Variants in DMD observed in about 807,000 individuals in gnomAD.
The protein encoded by DMD is dystrophin.
In DMD, 63 loss-of-function variants were observed where a neutral mutation model predicts 330.1. That is an observed-to-expected ratio of 0.19 (90% CI 0.16 to 0.24). The LOEUF is 0.24. Ranked by LOEUF, DMD falls within the 10% of genes least tolerant of loss-of-function variation. The pLI is 1.00. For missense variants in DMD, 3,344 were observed against 2,684.1 expected (o/e 1.25, Z -5.43); for synonymous variants, 1,223 against 959.8 (o/e 1.27, Z -5.07).
chrX:33,067,770 G>A (rs1218019874), intron 1 of DMD, among the ~76,000 whole-genome samples: 7 of 110,365 alleles, frequency 6.3e-5, no homozygotes, highest in African/African-American at 2.0e-4. Context: ...GCTTGAACCC[G>A]AGAGGTGGAG....
At chrX:31,245,993 A>C (rs1025043451) in intron 63 of DMD, among the ~76,000 whole-genome samples, 1 of 112,470 alleles carries the variant, frequency 8.9e-6, no homozygotes, top group African/African-American at 3.2e-5. Flanking sequence ...AAGCATGTTG[A>C]AAGATGAGAC....
chrX:33,310,590 A>C (rs1309799121), intron 1 of DMD, among the ~76,000 whole-genome samples: 1 of 111,441 alleles, frequency 9.0e-6, no homozygotes, highest in Admixed American at 9.6e-5. Context: ...CACCTAAATT[A>C]TTCATTTTAA....
chrX:32,984,439 GA>G (rs2092791203), intron 2 of DMD, among the ~76,000 whole-genome samples: 2 of 111,369 alleles, frequency 1.8e-5, no homozygotes, highest in African/African-American at 3.3e-5. Context: ...ATTTTTAGTA[GA>G]GACAGGGTTT....
intron 11 of DMD, among the ~76,000 whole-genome samples, chrX:32,642,323 T>C (rs2059520408): frequency 8.9e-6 from 1 of 112,583 alleles, no homozygotes; most frequent in Non-Finnish European, 1.9e-5. Flanking sequence ...GTGAGATGTT[T>C]TAGCAAAAGC....
At chrX:31,977,478 T>A (rs2095444169) in intron 44 of DMD, among the ~76,000 whole-genome samples, 1 of 111,262 alleles carries the variant, frequency 9.0e-6, no homozygotes, top group Non-Finnish European at 1.9e-5. Flanking sequence ...GTGTCTAACA[T>A]CAATTAATTG....
intron 55 of DMD, among the ~76,000 whole-genome samples, chrX:31,586,822 A>C (rs1339452682): frequency 8.9e-6 from 1 of 112,256 alleles, no homozygotes. Flanking sequence ...AATTGATCAA[A>C]AGGTTATACG....
intron 11 of DMD, among the ~76,000 whole-genome samples, chrX:32,631,401 G>T (rs2058719027): frequency 8.9e-6 from 1 of 111,942 alleles, no homozygotes; most frequent in Non-Finnish European, 1.9e-5. Context: ...AATGAAGCTT[G>T]TGTTTTTCAC....
At chrX:31,708,564 C>CT (rs1170433553) in intron 52 of DMD, among the ~76,000 whole-genome samples, 1 of 111,603 alleles carries the variant, frequency 9.0e-6, no homozygotes, top group Non-Finnish European at 1.9e-5. Flanking sequence ...CCATATCCTA[C>CT]TTTTTTTCCT....
At chrX:32,189,423 T>C (rs1263863426) in intron 44 of DMD, among the ~76,000 whole-genome samples, 2 of 110,370 alleles carry the variant, frequency 1.8e-5, no homozygotes, top group Non-Finnish European at 3.8e-5. Flanking sequence ...TAAAATTTTA[T>C]TGAAAGCACA....
intron 1 of DMD, among the ~76,000 whole-genome samples, chrX:33,031,816 T>C (rs1244486386): frequency 9.0e-6 from 1 of 110,558 alleles, no homozygotes; most frequent in African/African-American, 3.3e-5. Flanking sequence ...AAAAGACTCA[T>C]AAGCCACACC....
chrX:31,495,853 C>T (rs901294942), intron 57 of DMD, among the ~76,000 whole-genome samples: 4 of 111,523 alleles, frequency 3.6e-5, no homozygotes, highest in East Asian at 2.8e-4. Flanking sequence ...GAAGAATACA[C>T]GAACACCTGT....
At chrX:31,843,005 G>A (rs777772488) in intron 48 of DMD, among the ~76,000 whole-genome samples, 3 of 111,696 alleles carry the variant, frequency 2.7e-5, no homozygotes, top group South Asian at 7.5e-4. Context: ...ATTCATTTAC[G>A]ATAATGGCCT....
chrX:31,780,487 A>C (rs1040849877), intron 50 of DMD, among the ~76,000 whole-genome samples: 3 of 112,267 alleles, frequency 2.7e-5, no homozygotes, highest in African/African-American at 9.7e-5. Flanking sequence ...ATGGGGTATA[A>C]GAAAGATTGT....
chrX:33,326,762 G>T (rs910929045), intron 1 of DMD, among the ~76,000 whole-genome samples: 1 of 111,643 alleles, frequency 9.0e-6, no homozygotes, highest in Non-Finnish European at 1.9e-5. Flanking sequence ...CCTTGTGAAG[G>T]GTAAACTGGA....
intron 1 of DMD, among the ~76,000 whole-genome samples, chrX:33,312,694 C>T (rs756856516): frequency 2.7e-5 from 3 of 111,763 alleles, no homozygotes; most frequent in Non-Finnish European, 5.6e-5. Flanking sequence ...AGCCTCTGCT[C>T]ATAACATTTT....
At chrX:31,234,160 G>A (rs1355968504) in intron 63 of DMD, among the ~76,000 whole-genome samples, 1 of 111,466 alleles carries the variant, frequency 9.0e-6, no homozygotes, top group Non-Finnish European at 1.9e-5. Context: ...GCCCCAGGAG[G>A]CATTTCTTTT....
chrX:31,404,312 G>T (rs1038276719), intron 60 of DMD, among the ~76,000 whole-genome samples: 5 of 111,572 alleles, frequency 4.5e-5, no homozygotes, highest in Admixed American at 9.6e-5. Flanking sequence ...TCTGTGTTTT[G>T]TAGCCACAGC....
At chrX:31,312,533 G>A (rs2055605266) in intron 62 of DMD, among the ~76,000 whole-genome samples, 1 of 112,596 alleles carries the variant, frequency 8.9e-6, no homozygotes, top group Non-Finnish European at 1.9e-5. Flanking sequence ...TTCAACCATT[G>A]TGGAAAACAG....
chrX:32,188,109 G>GAGATTAATA (rs1331142220), intron 44 of DMD, among the ~76,000 whole-genome samples: 1 of 110,431 alleles, frequency 9.1e-6, no homozygotes, highest in Non-Finnish European at 1.9e-5. Context: ...ATTACTAGTG[G>GAGATTAATA]AGATTAATAT....
Sources: allele counts gnomAD v4.1 joint callset (sites outside exome capture counted in the v4.1 genomes callset), GRCh38; gene constraint gnomAD v4.1.1; transcripts MANE v1.5; gene names NCBI Gene and HGNC (gene_info 2026-07-23, HGNC 2026-07-21).